The following ERVW-1 variants were observed in gnomAD, a reference collection of about 807,000 sequenced individuals.
The protein encoded by ERVW-1 is syncytin-1.
A neutral mutation model predicts 16.6 loss-of-function variants in ERVW-1; 21 were observed. That is an observed-to-expected ratio of 1.26 (90% CI 0.90 to 1.82). The LOEUF (loss-of-function observed/expected upper bound fraction) is 1.82, where lower values mean the gene tolerates loss of function less well. Ranked by LOEUF, ERVW-1 falls within the 40% of genes most tolerant of loss-of-function variation. ERVW-1 has a pLI of 0.00. For synonymous variants in ERVW-1, 161 were observed against 109.8 expected, an observed-to-expected ratio of 1.47 and a Z score of -2.92; for missense variants, 412 against 300.2, an observed-to-expected ratio of 1.37 and a Z score of -2.75.
At chr7:92,474,927 T>C (rs1206788159) in intron 1 of ERVW-1, 1 of 152,154 alleles carries the variant, frequency 6.6e-6, no homozygotes, top group Admixed American at 6.5e-5. Context: ...GTTCACTGTT[T>C]ACCCTTTTGT....
intron 1 of ERVW-1, among the ~76,000 whole-genome samples, chr7:92,477,151 G>A (rs961883294): frequency 2.6e-5 from 4 of 152,244 alleles, no homozygotes; most frequent in East Asian, 1.9e-4. Context: ...TCGGCCCTCG[G>A]CTTCCCCAAG....
intron 1 of ERVW-1, chr7:92,471,784 T>C (rs1442271622): frequency 6.6e-6 from 1 of 152,254 alleles, no homozygotes; most frequent in Non-Finnish European, 1.5e-5. Flanking sequence ...TCCTGATGTT[T>C]GATAGGTGTT....
chr7:92,475,367 G>A (rs111405543), intron 1 of ERVW-1: 23,823 of 152,150 alleles, frequency 0.16, 1,907 homozygotes, highest in African/African-American at 0.17. Context: ...CTTTAGTCCT[G>A]GAGTGTCCTC....
Position 92,468,932 on chromosome 7 carries a change from T to G in ERVW-1, c.1450A>C (p.Lys484Gln), listed in dbSNP as rs925099153. ...NFVSSRIEAV[K>Q]LQMEPKMQSK... Reference sequence around the variant, plus strand: ...TGCATCTTGGGCTCCATTTGTAGTTTTACAGCTTCGATTCTGGAAGAGACA... The same window carrying G: ...TGCATCTTGGGCTCCATTTGTAGTTGTACAGCTTCGATTCTGGAAGAGACA... The change falls in exon 2 of 2, where the codon AAA (lysine) becomes CAA (glutamine). Residue 484 changes from lysine to glutamine, a missense_variant. Coordinates refer to ENST00000603053, the MANE Select transcript of ERVW-1 (RefSeq NM_001130925.2). 1 of 763,944 alleles carries G rather than the reference T, an allele frequency of 1.3e-6. No individual in the cohort carries two copies. The highest frequency in any genetic ancestry group is 1.7e-5 in the African/African-American group (1 of 59,018). 47.3% of individuals were successfully genotyped at this position (763,944 alleles called of 1,614,324 possible).
intron 1 of ERVW-1, chr7:92,472,894 G>C (rs1790401905): frequency 6.6e-6 from 1 of 152,162 alleles, no homozygotes; most frequent in South Asian, 2.1e-4. Context: ...AGAGCGCTTG[G>C]GTGGCTTGAT....
Position 92,469,112 on chromosome 7 carries a change from G to C in ERVW-1, c.1270C>G (p.Arg424Gly), listed in dbSNP as rs1038278481. The change falls in exon 2 of 2, where the codon CGA (arginine) becomes GGA (glycine). Residue 424 changes from arginine (R) to glycine (G), a missense_variant. Transcript: ENST00000603053. ...AGCTCCTCTGCTCTACGTTGTATTC[G>C]ATCTCGAATTTCTTTAACTTTCTCA... Reference protein sequence around the residue: ...VTEKVKEIRDRIQRRAEELRN... With the variant: ...VTEKVKEIRDGIQRRAEELRN... 1.4e-6 allele frequency: 1 copy of C among 702,116 alleles called. No individual in the cohort carries two copies. Among genetic ancestry groups the C allele is most frequent in the African/African-American group, 1.7e-5 (1 of 57,208 alleles). 43.5% of individuals were successfully genotyped at this position (702,116 alleles called of 1,614,324 possible).
At chr7:92,473,088 A>G (rs996118439) in intron 1 of ERVW-1, 1 of 152,226 alleles carries the variant, frequency 6.6e-6, no homozygotes, top group Non-Finnish European at 1.5e-5. Flanking sequence ...AGTATCTTCA[A>G]AGGCAAACAA....
chr7:92,469,478 C>T lies in ERVW-1; in HGVS notation c.904G>A (p.Glu302Lys), dbSNP rs1421372317. The T allele has an allele frequency of 2.6e-6, 2 of 767,568 alleles. No individual in the cohort carries two copies. Among genetic ancestry groups the T allele is most frequent in the Non-Finnish European group, 4.8e-6 (2 of 414,086 alleles). 47.5% of individuals were successfully genotyped at this position (767,568 alleles called of 1,614,324 possible). The change falls in exon 2 of 2, where the codon GAA (glutamate) becomes AAA (lysine). Residue 302 changes from glutamate to lysine, a missense_variant. Transcript: ENST00000603053. The stretch of plus-strand genomic sequence containing the variant: ...ATGACATAACTGTATAAATCTTGTT[C>T]AGTGTAGATGGTCATAGGGGGCACT... ...FLVPPMTIYT[E>K]QDLYSYVISK...
At chr7:92,476,037 C>T (rs1281952322) in intron 1 of ERVW-1, among the ~76,000 whole-genome samples, 3 of 152,074 alleles carry the variant, frequency 2.0e-5, no homozygotes, top group Admixed American at 2.0e-4. Context: ...TGGTTTTTTT[C>T]CTCAATCACC....
At chr7:92,471,239 T>G (rs1790336048) in intron 1 of ERVW-1, 1 of 167,034 alleles carries the variant, frequency 6.0e-6, no homozygotes, top group Non-Finnish European at 1.5e-5. Flanking sequence ...TAAAATCAGT[T>G]GCCAGTCTTC....
In ERVW-1 at chr7:92,470,179, A is replaced by C. The variant is rs1458863109; in HGVS notation, c.203T>G (p.Met68Arg). ...GTPTFTAHTH[M>R]PRNCYHSATL... ...GGCAGAGTGATAGCAGTTGCGGGGCATATGGGTGTGGGCAGTGAAGGTGGG... is the reference window on the plus strand; with the variant it reads ...GGCAGAGTGATAGCAGTTGCGGGGCCTATGGGTGTGGGCAGTGAAGGTGGG... The change falls in exon 2 of 2, where the codon ATG (methionine) becomes AGG (arginine). Residue 68 changes from methionine to arginine, a missense_variant. Physicochemically the swap from Met to Arg is moderately conservative, Grantham distance 91 (BLOSUM62 -1). Coordinates refer to ENST00000603053, the MANE Select transcript of ERVW-1 (RefSeq NM_001130925.2). 1 of 778,646 alleles carries C rather than the reference A, an allele frequency of 1.3e-6. No homozygotes were observed. The highest frequency in any genetic ancestry group is 1.7e-5 in the African/African-American group (1 of 59,042). The allele number at this position is 778,646 out of a possible 1,614,324, so 48.2% of individuals were successfully genotyped here.
intron 1 of ERVW-1, among the ~76,000 whole-genome samples, chr7:92,476,581 TTCTTTCTCTCTTTGACTCTCTCTCTCTCC>T (rs1269810862): frequency 1.3e-5 from 2 of 152,144 alleles, no homozygotes; most frequent in African/African-American, 4.8e-5. Context: ...TTCTTTCTCT[TTCTTTCTCTCTTTGACTCTCTCTCTCTCC>T]TCTTTGTCTC....
At position 92,470,507 on chromosome 7, in the gene ERVW-1, A is replaced by C. The variant is rs1790304642; in HGVS notation, c.-126T>G. On this transcript the variant is annotated 5_prime_UTR_variant, in exon 2 of 2. Coordinates refer to ENST00000603053, the MANE Select transcript of ERVW-1 (RefSeq NM_001130925.2). ...TTTTCAGGTTCCTTTGGCAGTATCC[A>C]GGATTTGACTCAAGTGTGATGTATC... is the stretch of plus-strand genomic sequence containing the variant. The C allele has an allele frequency of 1.7e-6, 1 of 596,690 alleles. No homozygotes were observed. The highest frequency in any genetic ancestry group is 1.9e-5 in the African/African-American group (1 of 53,678). The allele number at this position is 596,690 out of a possible 1,614,324, so 37.0% of individuals were successfully genotyped here. A position where few individuals can be genotyped will look rare whatever the true frequency, so the allele number is the denominator to read the frequency against.
At position 92,468,620 on chromosome 7, in the gene ERVW-1, C is replaced by T. The variant is rs1353795794; in HGVS notation, c.*145G>A. ...CAGGTGTGAGCTAAGTTGCAAGCCCCGTGTTTAAAGGTGGATGTGGTCACC... is the reference window on the plus strand; with the variant it reads ...CAGGTGTGAGCTAAGTTGCAAGCCCTGTGTTTAAAGGTGGATGTGGTCACC... On this transcript the variant is annotated 3_prime_UTR_variant, in exon 2 of 2. Transcript: ENST00000603053. 3.0e-5 allele frequency: 17 copies of T among 562,276 alleles called. No homozygotes were observed. The highest frequency in any genetic ancestry group is 1.5e-4 in the African/African-American group (8 of 53,038). 34.8% of individuals were successfully genotyped at this position (562,276 alleles called of 1,614,324 possible). A position where few individuals can be genotyped will look rare whatever the true frequency, so the allele number is the denominator to read the frequency against.
intron 1 of ERVW-1, chr7:92,472,611 G>T (rs1790391656): frequency 6.6e-6 from 1 of 152,226 alleles, no homozygotes; most frequent in African/African-American, 2.4e-5. Context: ...TACTAAATGG[G>T]TATTGGCTTT....
At chr7:92,472,371 A>G (rs1790382550) in intron 1 of ERVW-1, 1 of 152,240 alleles carries the variant, frequency 6.6e-6, no homozygotes, top group Admixed American at 6.5e-5. Flanking sequence ...TAAGACTGCT[A>G]CTGCCACCAC....
rs1219110400 is a variant in ERVW-1, at chr7:92,468,765, C to T, written c.1617G>A (p.Ter539=). Residue 539 remains the stop codon, a stop_retained_variant, in exon 2 of 2, where the codon TAG becomes TAA. Coordinates refer to ENST00000603053, the MANE Select transcript of ERVW-1 (RefSeq NM_001130925.2). ...LLRPNSAGSS[*] ...TTGGGGAGGTTGGCCGACGACCGCT[C>T]TAACTGCTTCCTGCTGAATTGGGGC... is the stretch of plus-strand genomic sequence containing the variant. 4.1e-6 allele frequency: 3 copies of T among 728,922 alleles called. No homozygotes were observed. In the South Asian group the frequency reaches 4.3e-5, roughly 11 times the overall value. 45.2% of individuals were successfully genotyped at this position (728,922 alleles called of 1,614,324 possible).
intron 1 of ERVW-1, 60 bp from the exon 2 acceptor site, chr7:92,470,668 A>C (rs889221401): frequency 3.8e-5 from 11 of 290,558 alleles, no homozygotes; most frequent in Admixed American, 2.4e-4. Flanking sequence ...AGGGTGGAAT[A>C]GTTCTTTTCC....
In ERVW-1 at chr7:92,470,438, A is replaced by T; in HGVS notation, c.-57T>A. The T allele has an allele frequency of 1.6e-6, 1 of 629,782 alleles. No homozygotes were observed. The highest frequency in any genetic ancestry group is 2.9e-6 in the Non-Finnish European group (1 of 347,452). The allele number at this position is 629,782 out of a possible 1,614,324, so 39.0% of individuals were successfully genotyped here. A position where few individuals can be genotyped will look rare whatever the true frequency, so the allele number is the denominator to read the frequency against. On this transcript the variant is annotated 5_prime_UTR_variant, in exon 2 of 2. The change creates a new upstream start codon in the 5' untranslated region. Coordinates refer to ENST00000603053, the MANE Select transcript of ERVW-1 (RefSeq NM_001130925.2). Reference sequence around the variant, plus strand: ...GGTTGTTGTTTGAAGAGCAGGCGCAAATCCTCTAGAGGTTCACAGGAATAG... The same window carrying T: ...GGTTGTTGTTTGAAGAGCAGGCGCATATCCTCTAGAGGTTCACAGGAATAG...
Sources: allele counts gnomAD v4.1 joint callset (sites outside exome capture counted in the v4.1 genomes callset), GRCh38; gene constraint gnomAD v4.1.1; transcripts MANE v1.5; gene names NCBI Gene and HGNC (gene_info 2026-07-23, HGNC 2026-07-21).